Variants in SORCS1 observed in about 807,000 individuals in gnomAD.
SORCS1 encodes sortilin related VPS10 domain containing receptor 1.
In SORCS1, 60 loss-of-function variants were observed where a neutral mutation model predicts 146.1. That is an observed-to-expected ratio of 0.41 (90% CI 0.33 to 0.51). The LOEUF (loss-of-function observed/expected upper bound fraction) is 0.51, where lower values mean the gene tolerates loss of function less well. SORCS1 is among the 20% of genes least tolerant of loss of function. The pLI is 0.21. For synonymous variants in SORCS1, 637 were observed against 584.0 expected (o/e 1.09, Z -1.31); for missense variants, 1,352 against 1,487.6 (o/e 0.91, Z 1.50).
At chr10:107,173,187 T>A in the SORCS1 span, among the ~76,000 whole-genome samples, 17 of 152,036 alleles carry the variant, frequency 1.1e-4, no homozygotes. Flanking sequence ...TTGAACTTAC[T>A]CAATTAAATC....
chr10:106,881,493 C>T (rs145421893), intron 2 of SORCS1, among the ~76,000 whole-genome samples: 227 of 152,286 alleles, frequency 1.5e-3, no homozygotes, highest in African/African-American at 5.0e-3. Context: ...AAAAAGCTTG[C>T]ATCCCATTAT....
chr10:106,838,732 T>C (rs1413169697), intron 2 of SORCS1, among the ~76,000 whole-genome samples: 1 of 152,230 alleles, frequency 6.6e-6, no homozygotes, highest in African/African-American at 2.4e-5. Context: ...TTTTTACAAA[T>C]TGGAATTTTG....
At chr10:107,170,754 C>T in the SORCS1 span, among the ~76,000 whole-genome samples, 1 of 152,160 alleles carries the variant, frequency 6.6e-6, no homozygotes, top group Non-Finnish European at 1.5e-5. Context: ...CAAGAGCAGG[C>T]CTCCAGTCCA....
chr10:106,859,316 G>A (rs1009146725), intron 2 of SORCS1, among the ~76,000 whole-genome samples: 1 of 152,180 alleles, frequency 6.6e-6, no homozygotes, highest in African/African-American at 2.4e-5. Flanking sequence ...TCTAAAGGCA[G>A]GGATAGACAA....
chr10:106,716,652 CA>C (rs1190800616), intron 6 of SORCS1, among the ~76,000 whole-genome samples: 3 of 152,152 alleles, frequency 2.0e-5, no homozygotes, highest in African/African-American at 7.2e-5. Flanking sequence ...TCCTGTTACT[CA>C]GTCCAAATAC....
chr10:106,916,571 T>C (rs866626373), intron 2 of SORCS1, among the ~76,000 whole-genome samples: 16 of 124,454 alleles, frequency 1.3e-4, no homozygotes, highest in African/African-American at 5.2e-4. Flanking sequence ...TGTGTGCATA[T>C]ATATACACAC....
chr10:106,595,385 A>G (rs1003565486), intron 24 of SORCS1, among the ~76,000 whole-genome samples: 15 of 152,122 alleles, frequency 9.9e-5, no homozygotes, highest in Non-Finnish European at 1.9e-4. Flanking sequence ...CCTTACACTC[A>G]TCTTTTTCAA....
At chr10:106,861,085 T>C (rs1391825209) in intron 2 of SORCS1, among the ~76,000 whole-genome samples, 1 of 152,130 alleles carries the variant, frequency 6.6e-6, no homozygotes. Flanking sequence ...GACGCAGTGT[T>C]ATTGTCCCGA....
rs376362333 is a variant in SORCS1 at position 106,699,287 on chromosome 10, T to C, written c.1340A>G (p.Tyr447Cys). 4.3e-6 allele frequency: 7 copies of C among 1,613,948 alleles called. No individual in the cohort carries two copies. Among genetic ancestry groups the C allele is most frequent in the Non-Finnish European group, 5.1e-6 (6 of 1,179,914 alleles). ...NLYISDTRGV[Y>C]FTLALENVQS... Reference sequence around the variant, plus strand: ...GACATTCTCCAAGGCCAGGGTGAAGTAGACACCACGTGTGTCTGAGATGTA... The same window carrying C: ...GACATTCTCCAAGGCCAGGGTGAAGCAGACACCACGTGTGTCTGAGATGTA... Residue 447 changes from tyrosine (Y) to cysteine (C), a missense_variant, in exon 9 of 26, where the codon TAC becomes TGC. Tyr to Cys is a radical substitution (Grantham distance 194). Around this residue, in one of 3 missense-constraint regions of SORCS1, gnomAD observed 648 missense variants for 793.8 expected, o/e 0.82. Transcript: ENST00000263054.
intron 24 of SORCS1, among the ~76,000 whole-genome samples, chr10:106,591,563 A>G (rs1845604916): frequency 6.6e-6 from 1 of 152,236 alleles, no homozygotes; most frequent in Non-Finnish European, 1.5e-5. Flanking sequence ...ATAATTATTC[A>G]TAAAAACAAT....
intron 2 of SORCS1, among the ~76,000 whole-genome samples, chr10:106,876,127 C>A (rs1271343671): frequency 6.6e-6 from 1 of 152,120 alleles, no homozygotes; most frequent in Non-Finnish European, 1.5e-5. Flanking sequence ...AGTGCCTGAA[C>A]CTTCCTTTTC....
intron 2 of SORCS1, among the ~76,000 whole-genome samples, chr10:106,915,396 T>C (rs1564806040): frequency 6.6e-6 from 1 of 152,196 alleles, no homozygotes; most frequent in East Asian, 1.9e-4. Context: ...CCTGTTTCTA[T>C]AATATTTTCC....
intron 5 of SORCS1, among the ~76,000 whole-genome samples, chr10:106,750,935 C>A (rs1190537468): frequency 7.6e-6 from 1 of 131,868 alleles, no homozygotes; most frequent in Non-Finnish European, 1.6e-5. Context: ...TGGCGGGCGC[C>A]GTAGTCCCAG....
intron 6 of SORCS1, among the ~76,000 whole-genome samples, chr10:106,721,151 G>C (rs1275439335): frequency 6.6e-6 from 1 of 151,960 alleles, no homozygotes; most frequent in Non-Finnish European, 1.5e-5. Context: ...ATAGAAGAGA[G>C]GTGAGAATGT....
At chr10:106,688,803 AC>A (rs943818879) in intron 9 of SORCS1, among the ~76,000 whole-genome samples, 1 of 152,230 alleles carries the variant, frequency 6.6e-6, no homozygotes, top group Non-Finnish European at 1.5e-5. Context: ...AAACAAAGTG[AC>A]TTGCCTAAGG....
At chr10:106,843,692 C>T (rs561309767) in intron 2 of SORCS1, among the ~76,000 whole-genome samples, 21 of 152,146 alleles carry the variant, frequency 1.4e-4, no homozygotes, top group Non-Finnish European at 2.9e-4. Context: ...ACCTTGGCCC[C>T]CCAAAGTGCT....
At position 107,164,502 on chromosome 10, in the gene SORCS1, C is replaced by T. The variant is rs1330811573; in HGVS notation, c.25G>A (p.Gly9Ser). The T allele has an allele frequency of 7.4e-7, 1 of 1,345,924 alleles. No homozygotes were observed. Among genetic ancestry groups the T allele is most frequent in the African/African-American group, 1.5e-5 (1 of 64,932 alleles). 83.4% of individuals were successfully genotyped at this position (1,345,924 alleles called of 1,614,324 possible). Residue 9 changes from glycine (G) to serine (S), a missense_variant, in exon 1 of 26, where the codon GGC (glycine) becomes AGC (serine). Gly to Ser is a moderately conservative substitution (Grantham distance 56). Transcript: ENST00000263054. This position sits in a 1 kb window ranked among gnomAD's most constrained non-coding sequence, Gnocchi z 6.8. Reference protein sequence around the residue: MGKVGAGGGSQARLSALLA... With the variant: MGKVGAGGSSQARLSALLA... ...AGCGCGCTCAGCCGGGCTTGGGAGC[C>T]GCCGCCGGCGCCAACTTTTCCCATC...
At chr10:106,677,501 A>C in intron 12 of SORCS1, 97 bp from the exon 13 acceptor site, 1 of 1,063,566 alleles carries the variant, frequency 9.4e-7, no homozygotes, top group Non-Finnish European at 1.4e-6. Flanking sequence ...AATCCTTCCC[A>C]TGATAAAAAT....
At chr10:106,975,243 GTTTC>G (rs1440791028) in intron 1 of SORCS1, among the ~76,000 whole-genome samples, 1 of 152,184 alleles carries the variant, frequency 6.6e-6, no homozygotes, top group Admixed American at 6.5e-5. Context: ...CAAACTTCCA[GTTTC>G]TTTTAGGTAG....
Sources: gnomAD v4.1 joint callset for allele counts (sites outside exome capture counted in the v4.1 genomes callset) on GRCh38, gnomAD v4.1.1 for gene constraint, gnomAD v4.1.1 regional missense constraint, Gnocchi (gnomAD v3.1) non-coding constraint, MANE v1.5 for transcripts, NCBI Gene and HGNC (gene_info 2026-07-23, HGNC 2026-07-21) for gene names.